PUM2: variants seen among roughly 807,000 people sequenced by gnomAD.
PUM2 encodes the protein pumilio RNA binding family member 2.
In PUM2, 57 loss-of-function variants were observed where a neutral mutation model predicts 124.5. The observed-to-expected ratio is 0.46, with a 90% confidence interval of 0.37 to 0.57. The LOEUF (loss-of-function observed/expected upper bound fraction) is 0.57. Among genes scored for constraint, PUM2 ranks in the 20% least tolerant of loss-of-function variants. PUM2 has a pLI of 0.00. For synonymous variants in PUM2, 460 were observed against 446.1 expected (o/e 1.03, Z -0.39); for missense variants, 1,065 against 1,290.6 (o/e 0.83, Z 2.68).
intron 13 of PUM2, among the ~76,000 whole-genome samples, chr2:20,273,668 G>A (rs990872892): frequency 3.3e-5 from 5 of 152,156 alleles, no homozygotes; most frequent in African/African-American, 1.2e-4. Context: ...AGGTCTACCA[G>A]AGGGTTGTAG....
Position 20,258,385 on chromosome 2 carries a change from T to C in PUM2, c.2356-14A>G. 1 of 1,609,348 alleles carries C rather than the reference T, an allele frequency of 6.2e-7. No homozygotes were observed. The highest frequency in any genetic ancestry group is 1.1e-5 in the South Asian group (1 of 90,294). On this transcript the variant is annotated splice_polypyrimidine_tract_variant and intron_variant, in intron 15 of 20. Coordinates refer to ENST00000361078, the MANE Select transcript of PUM2 (RefSeq NM_015317.5). ...CAGACTCCCAAACTGACAGAAAAGATATAACATTAATAACAAGTGACCTTA... is the reference window on the plus strand; with the variant it reads ...CAGACTCCCAAACTGACAGAAAAGACATAACATTAATAACAAGTGACCTTA...
intron 1 of PUM2, among the ~76,000 whole-genome samples, chr2:20,328,822 G>C (rs1236595412): frequency 6.6e-6 from 1 of 152,138 alleles, no homozygotes; most frequent in Non-Finnish European, 1.5e-5. Context: ...CCTATAAAAT[G>C]TCAAAGCCAA....
chr2:20,330,397 C>G (rs1017185646), intron 1 of PUM2, among the ~76,000 whole-genome samples: 1 of 152,186 alleles, frequency 6.6e-6, no homozygotes, highest in Non-Finnish European at 1.5e-5. Flanking sequence ...GGGGAACCAT[C>G]CTTTTGATTA....
At chr2:20,325,488 G>A (rs1683439532) in intron 2 of PUM2, among the ~76,000 whole-genome samples, 1 of 152,028 alleles carries the variant, frequency 6.6e-6, no homozygotes, top group African/African-American at 2.4e-5. Flanking sequence ...TTTTTGATCT[G>A]CAAAGATAAC....
intron 13 of PUM2, among the ~76,000 whole-genome samples, chr2:20,264,214 G>A (rs1267485464): frequency 1.3e-5 from 2 of 149,454 alleles, no homozygotes; most frequent in South Asian, 2.1e-4. Flanking sequence ...GCGGGCACCT[G>A]TAATCCCAGC....
chr2:20,257,189 G>T (rs1456188846), intron 16 of PUM2, among the ~76,000 whole-genome samples: 2 of 151,568 alleles, frequency 1.3e-5, no homozygotes, highest in Non-Finnish European at 2.9e-5. Context: ...AGAAACTTGT[G>T]GCAGAGAAGT....
intron 8 of PUM2, among the ~76,000 whole-genome samples, chr2:20,297,031 T>A (rs377398743): frequency 3.3e-5 from 5 of 152,210 alleles, no homozygotes; most frequent in African/African-American, 1.2e-4. Flanking sequence ...GGTGGTAGTC[T>A]CAGGCTGGGC....
At chr2:20,340,069 T>A (rs1392704471) in intron 1 of PUM2, among the ~76,000 whole-genome samples, 1 of 152,194 alleles carries the variant, frequency 6.6e-6, no homozygotes, top group Non-Finnish European at 1.5e-5. Context: ...TAAACATGAT[T>A]TATATATTTC....
At chr2:20,313,720 C>T (rs983690715) in intron 3 of PUM2, among the ~76,000 whole-genome samples, 2 of 150,834 alleles carry the variant, frequency 1.3e-5, no homozygotes, top group Admixed American at 1.3e-4. Context: ...GTCCCAGCTA[C>T]TCAGGAGGTG....
intron 1 of PUM2, among the ~76,000 whole-genome samples, chr2:20,334,834 C>T (rs980698407): frequency 6.6e-6 from 1 of 152,190 alleles, no homozygotes; most frequent in African/African-American, 2.4e-5. Context: ...CTTCCTTTTG[C>T]ATCAATTACA....
At chr2:20,268,921 G>A (rs1005560223) in intron 13 of PUM2, among the ~76,000 whole-genome samples, 2 of 152,100 alleles carry the variant, frequency 1.3e-5, no homozygotes, top group Non-Finnish European at 2.9e-5. Context: ...TAACACTGCT[G>A]TATGAGAATG....
In PUM2 at chr2:20,318,622, C is replaced by T. The variant is rs1424113350; in HGVS notation, c.75G>A (p.Trp25Ter). 1 of 1,612,910 alleles carries T rather than the reference C, an allele frequency of 6.2e-7. No homozygotes were observed. The highest frequency in any genetic ancestry group is 1.3e-5 in the African/African-American group (1 of 74,874). ...CATCTTTTGTTGAATCATCAGGTTC[C>T]CAAAACTTTTTGGTAGGCAAAAGCT... is the stretch of plus-strand genomic sequence containing the variant. ...MGELLPTKKF[W>*]EPDDSTKDGQ... The change falls in exon 3 of 21, where the codon TGG becomes TGA. Residue 25 changes from tryptophan (W) to a stop codon, truncating the protein, a stop_gained. Coordinates refer to ENST00000361078, the MANE Select transcript of PUM2 (RefSeq NM_015317.5). LOFTEE classifies it high-confidence loss of function.
At chr2:20,277,442 T>G (rs1350802597) in intron 13 of PUM2, among the ~76,000 whole-genome samples, 3 of 152,122 alleles carry the variant, frequency 2.0e-5, no homozygotes, top group Non-Finnish European at 4.4e-5. Context: ...TGGCTGTATA[T>G]GTTCAGTATC....
intron 1 of PUM2, among the ~76,000 whole-genome samples, chr2:20,342,870 C>G (rs1467990499): frequency 6.6e-6 from 1 of 152,098 alleles, no homozygotes; most frequent in African/African-American, 2.4e-5. Flanking sequence ...TTTAAAAAGG[C>G]AAGTTATTAC....
At chr2:20,326,210 G>T (rs1683636515) in intron 2 of PUM2, 1 of 1,261,864 alleles carries the variant, frequency 7.9e-7, no homozygotes, top group Non-Finnish European at 1.0e-6. Flanking sequence ...CTTATGCACT[G>T]GTCTAACAAA....
chr2:20,290,848 A>C, intron 9 of PUM2, 58 bp from the exon 10 acceptor site: 1 of 1,332,194 alleles, frequency 7.5e-7, no homozygotes, highest in Non-Finnish European at 1.0e-6. Flanking sequence ...AAGTAAATTT[A>C]TCTTGGACAA....
chr2:20,327,223 G>C, intron 2 of PUM2, 87 bp downstream of exon 2: 1 of 872,930 alleles, frequency 1.1e-6, no homozygotes, highest in Non-Finnish European at 1.9e-6. Context: ...ACTATTTCCA[G>C]GAAGGGAGAT....
At chr2:20,344,055 C>CTTTAT (rs74852145) in intron 1 of PUM2, among the ~76,000 whole-genome samples, 53,343 of 151,596 alleles carry the variant, frequency 0.35, 9,479 homozygotes, top group Middle Eastern at 0.42. Flanking sequence ...TATCATTTTA[C>CTTTAT]TTTATTTTAT....
Position 20,328,785 on chromosome 2 carries a change from GA to G in PUM2, c.-18-1408del, listed in dbSNP as rs570362738. 5.7e-3 allele frequency among the ~76,000 whole-genome samples: 865 copies of G among 151,884 alleles called. 9 individuals are homozygous for G. The highest frequency in any genetic ancestry group is 0.02 in the African/African-American group (833 of 41,460). On this transcript the variant is annotated intron_variant, in intron 1 of 20. Transcript: ENST00000361078. ...TAATTTGAAGAATAGGAAAATAGTG[GA>G]AAAAAAATGAACAGAGCTTCAGTGA... is the stretch of plus-strand genomic sequence containing the variant.
Sources: gnomAD v4.1 joint callset for allele counts (sites outside exome capture counted in the v4.1 genomes callset) on GRCh38, gnomAD v4.1.1 for gene constraint, MANE v1.5 for transcripts, NCBI Gene and HGNC (gene_info 2026-07-23, HGNC 2026-07-21) for gene names.